ASTN2: variants seen among roughly 807,000 people sequenced by gnomAD.
The protein encoded by ASTN2 is astrotactin 2.
ASTN2 carries 54 observed loss-of-function variants against 139.8 expected under a neutral mutation model. The observed-to-expected ratio is 0.39, with a 90% CI of 0.31 to 0.48. ASTN2 has a LOEUF of 0.48. Ranked by LOEUF, ASTN2 falls within the 20% of genes least tolerant of loss-of-function variation. The pLI, the probability that ASTN2 is intolerant of heterozygous loss-of-function variation, is 0.95. For missense variants in ASTN2, 1,565 were observed against 1,725.1 expected, an observed-to-expected ratio of 0.91 and a Z score of 1.64; for synonymous variants, 756 against 719.5, an observed-to-expected ratio of 1.05 and a Z score of -0.81.
intron 19 of ASTN2, among the ~76,000 whole-genome samples, chr9:116,551,637 T>C (rs1018442008): frequency 2.6e-5 from 4 of 152,190 alleles, no homozygotes; most frequent in Admixed American, 6.5e-5. Context: ...CCTCTGTGCC[T>C]ATATCCGCTC....
chr9:116,942,466 T>C (rs983445073), intron 10 of ASTN2, among the ~76,000 whole-genome samples: 1 of 152,192 alleles, frequency 6.6e-6, no homozygotes, highest in East Asian at 1.9e-4. Flanking sequence ...GGTGCTAGAT[T>C]GAGATAGCCC....
chr9:116,728,752 G>A (rs556132190), intron 15 of ASTN2, among the ~76,000 whole-genome samples: 1 of 152,106 alleles, frequency 6.6e-6, no homozygotes, highest in South Asian at 2.1e-4. Flanking sequence ...AGCCTCTCTA[G>A]CTCCCCCAGA....
At chr9:117,120,018 G>GTGTGTGTGTATATATATATATATA (rs1306397698) in intron 4 of ASTN2, among the ~76,000 whole-genome samples, 9 of 45,994 alleles carry the variant, frequency 2.0e-4, no homozygotes, top group African/African-American at 6.6e-4. Context: ...GTGTGTGTGT[G>GTGTGTGTGTATATATATATATATA]TATATATATA....
intron 10 of ASTN2, among the ~76,000 whole-genome samples, chr9:116,895,842 G>A (rs1483096448): frequency 1.3e-5 from 2 of 152,016 alleles, no homozygotes; most frequent in African/African-American, 4.8e-5. Context: ...CAGTTAAAAT[G>A]TGTGTGTAAG....
intron 19 of ASTN2, among the ~76,000 whole-genome samples, chr9:116,590,019 A>C (rs1219363215): frequency 6.6e-6 from 1 of 152,200 alleles, no homozygotes; most frequent in African/African-American, 2.4e-5. Context: ...GGGGTAGCCT[A>C]CTAATGGCAG....
chr9:117,140,939 A>ACC (rs1830060716), intron 4 of ASTN2, among the ~76,000 whole-genome samples: 1 of 152,008 alleles, frequency 6.6e-6, no homozygotes, highest in African/African-American at 2.4e-5. Context: ...GTAGGCGCAG[A>ACC]CCCCTGTTTC....
rs922761525 is a variant in ASTN2 at position 116,975,400 on chromosome 9, A to T, written c.1752-55T>A. On this transcript the variant is annotated intron_variant, in intron 9 of 22. Coordinates refer to ENST00000313400, the MANE Select transcript of ASTN2 (RefSeq NM_001365068.1). ...TCCCTGGGAAGCAGAGAGCAAACAG[A>T]AAAAAGGGGCCCCTGTTCCCATCCC... The T allele has an allele frequency of 4.0e-6, 6 of 1,509,894 alleles. No individual in the cohort carries two copies. The Admixed American group carries it at 1.3e-4, about 33-fold the overall frequency. The allele number at this position is 1,509,894 out of a possible 1,614,324, so 93.5% of individuals were successfully genotyped here.
intron 1 of ASTN2, among the ~76,000 whole-genome samples, chr9:117,394,924 G>C (rs1295457496): frequency 6.6e-6 from 1 of 152,138 alleles, no homozygotes; most frequent in Non-Finnish European, 1.5e-5. Flanking sequence ...TCTACTTGAA[G>C]AAAGAAACTG....
chr9:117,018,363 C>A (rs1837777190), intron 6 of ASTN2, among the ~76,000 whole-genome samples: 1 of 152,108 alleles, frequency 6.6e-6, no homozygotes, highest in African/African-American at 2.4e-5. Context: ...GCAGAAACAT[C>A]AGGAGCTGTT....
At chr9:116,477,926 C>T (rs1006864866) in intron 20 of ASTN2, among the ~76,000 whole-genome samples, 24 of 147,580 alleles carry the variant, frequency 1.6e-4, no homozygotes, top group African/African-American at 4.3e-4. Flanking sequence ...CAGGGTGACA[C>T]GGAGAGGGAA....
chr9:116,854,300 G>A (rs1242647724), intron 11 of ASTN2, among the ~76,000 whole-genome samples: 2 of 152,166 alleles, frequency 1.3e-5, no homozygotes, highest in Admixed American at 6.5e-5. Flanking sequence ...TGCCTGCTTA[G>A]GGCCATGTTC....
intron 22 of ASTN2, among the ~76,000 whole-genome samples, chr9:116,438,145 T>C (rs1454417240): frequency 6.6e-6 from 1 of 152,192 alleles, no homozygotes; most frequent in African/African-American, 2.4e-5. Context: ...GTCATGTGAT[T>C]CTCTCCAATG....
chr9:117,135,787 A>AT (rs1829936639), intron 4 of ASTN2, among the ~76,000 whole-genome samples: 1 of 152,138 alleles, frequency 6.6e-6, no homozygotes, highest in South Asian at 2.1e-4. Context: ...ATAAACAGCA[A>AT]TTTTTTGCCT....
intron 10 of ASTN2, among the ~76,000 whole-genome samples, chr9:116,882,261 T>C (rs1833468072): frequency 6.6e-6 from 1 of 152,208 alleles, no homozygotes; most frequent in Non-Finnish European, 1.5e-5. Context: ...GAGAGGTCTG[T>C]AGGAGCTCAG....
intron 2 of ASTN2, among the ~76,000 whole-genome samples, chr9:117,280,586 TA>T (rs1297900820): frequency 6.6e-6 from 1 of 152,060 alleles, no homozygotes; most frequent in African/African-American, 2.4e-5. Flanking sequence ...AGAGCTACCA[TA>T]AGCTGGAAGA....
chr9:117,181,826 C>T (rs915999056), intron 3 of ASTN2, among the ~76,000 whole-genome samples: 1 of 152,148 alleles, frequency 6.6e-6, no homozygotes, highest in African/African-American at 2.4e-5. Flanking sequence ...TCACTGTGTT[C>T]CTTCCCTTAC....
At chr9:117,334,991 G>T (rs980258256) in intron 1 of ASTN2, among the ~76,000 whole-genome samples, 1 of 152,142 alleles carries the variant, frequency 6.6e-6, no homozygotes, top group Admixed American at 6.5e-5. Context: ...GTAGGCAGAG[G>T]TTGCAGTGAG....
At chr9:117,326,034 C>T (rs980056867) in intron 1 of ASTN2, among the ~76,000 whole-genome samples, 5 of 152,082 alleles carry the variant, frequency 3.3e-5, no homozygotes, top group African/African-American at 7.2e-5. Context: ...GGCCACACAG[C>T]GGAGCTTCAC....
At chr9:117,040,797 G>T (rs534843322) in intron 5 of ASTN2, among the ~76,000 whole-genome samples, 1 of 152,262 alleles carries the variant, frequency 6.6e-6, no homozygotes, top group Admixed American at 6.5e-5. Flanking sequence ...ATCTCACAGG[G>T]TTCTTGTGAC....
Sources: gnomAD v4.1 joint callset for allele counts (sites outside exome capture counted in the v4.1 genomes callset) on GRCh38, gnomAD v4.1.1 for gene constraint, MANE v1.5 for transcripts, NCBI Gene and HGNC (gene_info 2026-07-23, HGNC 2026-07-21) for gene names.